The following TIAM2 variants were observed in gnomAD, a reference collection of about 807,000 sequenced individuals.
TIAM2 encodes TIAM Rac1 associated GEF 2.
TIAM2 carries 80 observed loss-of-function variants against 152.9 expected under a neutral mutation model. The observed-to-expected ratio is 0.52, with a 90% CI of 0.44 to 0.63. The LOEUF (loss-of-function observed/expected upper bound fraction) is 0.63. Among genes scored for constraint, TIAM2 ranks in the 30% least tolerant of loss-of-function variants. TIAM2 has a pLI of 0.00. For synonymous variants in TIAM2, 804 were observed against 838.0 expected, an observed-to-expected ratio of 0.96 and a Z score of 0.70; for missense variants, 1,965 against 2,120.1, an observed-to-expected ratio of 0.93 and a Z score of 1.44.
intron 2 of TIAM2, among the ~76,000 whole-genome samples, chr6:155,100,735 A>G (rs1263700502): frequency 6.6e-6 from 1 of 152,234 alleles, no homozygotes; most frequent in Non-Finnish European, 1.5e-5. Flanking sequence ...AACAATTTAC[A>G]TCTATTGTTT....
intron 15 of TIAM2, chr6:155,217,068 C>T (rs1781878273): frequency 7.8e-7 from 1 of 1,289,312 alleles, no homozygotes; most frequent in Non-Finnish European, 1.0e-6. Context: ...TTTCTTTGAA[C>T]TTTTCCTTTT....
chr6:155,059,192 T>G (rs570743338), intron 1 of TIAM2, among the ~76,000 whole-genome samples: 8 of 152,298 alleles, frequency 5.3e-5, no homozygotes, highest in Non-Finnish European at 8.8e-5. Context: ...CTTAGTATCC[T>G]CCTGTGACCA....
Position 155,179,365 on chromosome 6 carries a change from T to C in TIAM2, c.2629-13T>C. 1 of 1,613,176 alleles carries C rather than the reference T, an allele frequency of 6.2e-7. No individual in the cohort carries two copies. Among genetic ancestry groups the C allele is most frequent in the Non-Finnish European group, 8.5e-7 (1 of 1,179,682 alleles). On this transcript the variant is annotated splice_polypyrimidine_tract_variant and intron_variant, in intron 11 of 26. Transcript: ENST00000682666. ...ATGAGATCCTCTGATTTTGTTGTTT[T>C]CACCTTTTGCAGGTTTATGATGAAA...
chr6:155,174,194 G>A lies in TIAM2; in HGVS notation c.2362-2622G>A, dbSNP rs1364158472. ...CCAGACTTCCACCCTTCAGATCCCC[G>A]GAGTACCATAGGCACTAGTTGTGTA... On this transcript the variant is annotated intron_variant, in intron 9 of 26. Transcript: ENST00000682666. This position sits in a 1 kb window ranked among gnomAD's most constrained non-coding sequence, Gnocchi z 4.2. Among the ~76,000 whole-genome samples, 6 of 152,272 alleles carry A rather than the reference G, an allele frequency of 3.9e-5. No individual in the cohort carries two copies. The highest frequency in any genetic ancestry group is 1.9e-4 in the East Asian group (1 of 5,178).
intron 2 of TIAM2, among the ~76,000 whole-genome samples, chr6:155,109,461 TAGC>T (rs1778783382): frequency 6.6e-6 from 1 of 152,274 alleles, no homozygotes; most frequent in African/African-American, 2.4e-5. Context: ...TAGAAAGAAA[TAGC>T]AGCAGTATTA....
intron 15 of TIAM2, among the ~76,000 whole-genome samples, chr6:155,225,048 C>T (rs1224267793): frequency 2.0e-5 from 3 of 152,152 alleles, no homozygotes; most frequent in Non-Finnish European, 4.4e-5. Context: ...CTTTGCCTTC[C>T]AGGTTCAAGC....
At chr6:155,027,885 G>A (rs1211264944) in intron 1 of TIAM2, among the ~76,000 whole-genome samples, 1 of 92,144 alleles carries the variant, frequency 1.1e-5, no homozygotes, top group Non-Finnish European at 2.0e-5. Context: ...TATATGTACT[G>A]TGTTACATAT....
chr6:155,077,553 C>T (rs544527818), intron 1 of TIAM2, among the ~76,000 whole-genome samples: 40 of 152,176 alleles, frequency 2.6e-4, no homozygotes, highest in African/African-American at 8.9e-4. Flanking sequence ...GTTAGCCTTT[C>T]GCTTGTTAAA....
At chr6:155,245,755 GTTTT>G in intron 19 of TIAM2, 24 bp downstream of exon 19, 3 of 1,022,126 alleles carry the variant, frequency 2.9e-6, no homozygotes, top group Non-Finnish European at 2.8e-6. Flanking sequence ...GCCTTTTATA[GTTTT>G]TTTTTTTTTT....
chr6:155,064,726 A>G (rs1331049696), intron 1 of TIAM2, among the ~76,000 whole-genome samples: 1 of 152,194 alleles, frequency 6.6e-6, no homozygotes, highest in African/African-American at 2.4e-5. Flanking sequence ...ATGCATATTG[A>G]AAAGAACAAG....
chr6:155,204,722 C>T (rs1248335181), intron 14 of TIAM2, among the ~76,000 whole-genome samples: 3 of 152,046 alleles, frequency 2.0e-5, no homozygotes, highest in South Asian at 2.1e-4. Context: ...TTCTCATGCC[C>T]GATACTTTTA....
At chr6:155,112,189 G>A (rs1442366999) in intron 2 of TIAM2, among the ~76,000 whole-genome samples, 9 of 148,026 alleles carry the variant, frequency 6.1e-5, no homozygotes, top group East Asian at 2.0e-4. Flanking sequence ...GCAGTGATGC[G>A]ATCTCGGCTC....
chr6:155,232,008 G>T (rs2115273346), intron 15 of TIAM2, among the ~76,000 whole-genome samples: 1 of 152,284 alleles, frequency 6.6e-6, no homozygotes, highest in Non-Finnish European at 1.5e-5. Flanking sequence ...TTGAACCTGG[G>T]AGGCAGACAT....
intron 1 of TIAM2, among the ~76,000 whole-genome samples, chr6:155,008,694 T>C (rs1778438577): frequency 6.6e-6 from 1 of 152,214 alleles, no homozygotes; most frequent in Admixed American, 6.5e-5. Flanking sequence ...ACTCAGTTCT[T>C]CTGAGGCTCA....
intron 1 of TIAM2, among the ~76,000 whole-genome samples, chr6:155,050,869 G>GACCT (rs1777303663): frequency 6.6e-6 from 1 of 152,114 alleles, no homozygotes; most frequent in African/African-American, 2.4e-5. Flanking sequence ...TTGCTGCCTG[G>GACCT]ACCTATTCCT....
intron 14 of TIAM2, among the ~76,000 whole-genome samples, chr6:155,187,573 C>CCTTTTTTTTTTTTTTTTTTTTT (rs1189509294): frequency 8.1e-5 from 4 of 49,622 alleles, no homozygotes; most frequent in Non-Finnish European, 1.5e-4. Context: ...ACCCCGCCCC[C>CCTTTTTTTTTTTTTTTTTTTTT]TTTTTTTTTT....
chr6:155,123,585 C>T (rs2115027426), intron 2 of TIAM2, among the ~76,000 whole-genome samples: 1 of 152,314 alleles, frequency 6.6e-6, no homozygotes, highest in East Asian at 1.9e-4. Context: ...GTAAGATGAG[C>T]TTAGGTTCTA....
chr6:155,156,581 C>T lies in TIAM2; in HGVS notation c.2029-7834C>T, dbSNP rs189860291. Among the ~76,000 whole-genome samples the T allele has an allele frequency of 1.0e-3, 156 of 152,178 alleles. No individual in the cohort carries two copies. Among genetic ancestry groups the T allele is most frequent in the African/African-American group, 3.1e-3 (127 of 41,516 alleles). On this transcript the variant is annotated intron_variant, in intron 7 of 26. Transcript: ENST00000682666. The surrounding 1 kb of genome is among the most constrained non-coding windows in gnomAD (Gnocchi z 4.4). Reference sequence around the variant, plus strand: ...GCTGAGGCAGGAGAATCGCTTGAACCCAGGAAGCAGAGGTTTCCATGAGCT... The same window carrying T: ...GCTGAGGCAGGAGAATCGCTTGAACTCAGGAAGCAGAGGTTTCCATGAGCT...
chr6:155,225,207 C>T (rs894076660), intron 15 of TIAM2, among the ~76,000 whole-genome samples: 5 of 152,288 alleles, frequency 3.3e-5, no homozygotes, highest in Non-Finnish European at 5.9e-5. Context: ...CCACCCACCT[C>T]GGCCTCCCAA....
Sources: gnomAD v4.1 joint callset for allele counts (sites outside exome capture counted in the v4.1 genomes callset) on GRCh38, gnomAD v4.1.1 for gene constraint, Gnocchi (gnomAD v3.1) non-coding constraint, MANE v1.5 for transcripts, NCBI Gene and HGNC (gene_info 2026-07-23, HGNC 2026-07-21) for gene names.